Variants in MYO1D observed in about 807,000 individuals in gnomAD.
The protein encoded by MYO1D is unconventional myosin-Id.
A neutral mutation model predicts 122.0 loss-of-function variants in MYO1D; 83 were observed. The observed-to-expected ratio is 0.68, with a 90% CI of 0.57 to 0.82. The LOEUF (loss-of-function observed/expected upper bound fraction) is 0.82, where lower values mean the gene tolerates loss of function less well. MYO1D is among the 40% of genes least tolerant of loss of function. The pLI, the probability that MYO1D is intolerant of heterozygous loss-of-function variation, is 0.00. For missense variants in MYO1D, 1,157 were observed against 1,269.5 expected (o/e 0.91, Z 1.35); for synonymous variants, 464 against 446.9 (o/e 1.04, Z -0.48).
At chr17:32,613,897 T>A (rs2087737567) in intron 20 of MYO1D, among the ~76,000 whole-genome samples, 2 of 151,134 alleles carry the variant, frequency 1.3e-5, no homozygotes, top group Admixed American at 1.3e-4. Context: ...CAGAATGATC[T>A]CCTTGGGGTC....
intron 16 of MYO1D, among the ~76,000 whole-genome samples, chr17:32,683,523 T>C (rs576633744): frequency 5.8e-4 from 88 of 152,178 alleles, no homozygotes; most frequent in African/African-American, 1.8e-3. Flanking sequence ...GAGGTGTCAG[T>C]GTGCCCCTGC....
chr17:32,760,893 T>C (rs9906880), intron 8 of MYO1D, among the ~76,000 whole-genome samples: 2,663 of 152,292 alleles, frequency 0.017, 87 homozygotes, highest in African/African-American at 0.061. Context: ...CAGGCATGTT[T>C]CCCTGCCCGG....
chr17:32,514,625 T>C (rs146846447), intron 21 of MYO1D, among the ~76,000 whole-genome samples: 4 of 152,230 alleles, frequency 2.6e-5, no homozygotes, highest in Non-Finnish European at 4.4e-5. Context: ...AACTAGTCAA[T>C]GTCCAACAAC....
At chr17:32,535,202 G>T (rs913341732) in intron 21 of MYO1D, among the ~76,000 whole-genome samples, 1 of 152,152 alleles carries the variant, frequency 6.6e-6, no homozygotes, top group African/African-American at 2.4e-5. Flanking sequence ...TAAACCGTTA[G>T]AAGTGAATGG....
chr17:32,712,810 C>T (rs1242034323), intron 15 of MYO1D, among the ~76,000 whole-genome samples: 1 of 152,208 alleles, frequency 6.6e-6, no homozygotes, highest in East Asian at 1.9e-4. Flanking sequence ...GCTCACCACA[C>T]AGCGGCTTGC....
intron 21 of MYO1D, among the ~76,000 whole-genome samples, chr17:32,548,053 C>A (rs2150882379): frequency 6.6e-6 from 1 of 152,188 alleles, no homozygotes; most frequent in African/African-American, 2.4e-5. Flanking sequence ...CTCATCATTG[C>A]AGTTGCTATA....
chr17:32,800,657 T>C (rs1184292634), intron 1 of MYO1D, among the ~76,000 whole-genome samples: 2 of 152,188 alleles, frequency 1.3e-5, no homozygotes, highest in South Asian at 4.1e-4. Context: ...AATAATGCAT[T>C]GCATATTGAA....
intron 21 of MYO1D, among the ~76,000 whole-genome samples, chr17:32,597,479 A>G (rs1402054331): frequency 8.8e-6 from 1 of 113,956 alleles, no homozygotes; most frequent in East Asian, 2.1e-4. Context: ...GTAGCATATC[A>G]CCATTTTTGT....
intron 20 of MYO1D, among the ~76,000 whole-genome samples, chr17:32,614,485 TGTTCA>T (rs1160190419): frequency 2.6e-5 from 4 of 152,206 alleles, no homozygotes; most frequent in African/African-American, 9.6e-5. Flanking sequence ...GAGAACATTC[TGTTCA>T]TTCTGTTTTC....
chr17:32,658,187 T>C (rs573638509), intron 17 of MYO1D, among the ~76,000 whole-genome samples: 83 of 152,242 alleles, frequency 5.5e-4, no homozygotes, highest in South Asian at 1.2e-3. Context: ...TTTTCTTCCA[T>C]GCATTTTTCT....
intron 21 of MYO1D, among the ~76,000 whole-genome samples, chr17:32,521,309 C>G (rs1414141785): frequency 6.6e-6 from 1 of 152,028 alleles, no homozygotes; most frequent in African/African-American, 2.4e-5. Context: ...AGAGAAGGCT[C>G]AAAAAACGCA....
chr17:32,857,584 CAAAAAA>C (rs563112277), intron 1 of MYO1D, among the ~76,000 whole-genome samples: 1 of 107,836 alleles, frequency 9.3e-6, no homozygotes. Context: ...GACTCCACCT[CAAAAAA>C]AAAAAAAAAA....
At chr17:32,619,177 T>A (rs935192623) in intron 20 of MYO1D, among the ~76,000 whole-genome samples, 2 of 152,158 alleles carry the variant, frequency 1.3e-5, no homozygotes, top group East Asian at 3.9e-4. Flanking sequence ...TACCAAGCCA[T>A]CTAGTGGAAC....
chr17:32,689,862 G>A (rs1362411559), intron 16 of MYO1D, among the ~76,000 whole-genome samples: 1 of 151,794 alleles, frequency 6.6e-6, no homozygotes, highest in Non-Finnish European at 1.5e-5. Context: ...GGGATTACAT[G>A]TGCCCACCAC....
At chr17:32,729,379 G>A (rs543079012) in intron 14 of MYO1D, among the ~76,000 whole-genome samples, 1 of 152,198 alleles carries the variant, frequency 6.6e-6, no homozygotes, top group East Asian at 1.9e-4. Flanking sequence ...CCATTCTCTA[G>A]ATTCAAAAGA....
intron 15 of MYO1D, among the ~76,000 whole-genome samples, chr17:32,718,206 T>A (rs2089469701): frequency 6.6e-6 from 1 of 152,168 alleles, no homozygotes; most frequent in Non-Finnish European, 1.5e-5. Context: ...ATAATTCAAG[T>A]TCTGACAAAC....
At chr17:32,671,861 A>G (rs907517192) in intron 16 of MYO1D, among the ~76,000 whole-genome samples, 13 of 152,238 alleles carry the variant, frequency 8.5e-5, no homozygotes, top group Non-Finnish European at 1.6e-4. Context: ...AAAAAGTTCA[A>G]TAATATGGAT....
intron 14 of MYO1D, among the ~76,000 whole-genome samples, chr17:32,725,538 A>G (rs1013053488): frequency 1.3e-5 from 2 of 151,812 alleles, no homozygotes; most frequent in African/African-American, 2.4e-5. Context: ...AAAAAAAGAA[A>G]TAGGTGAAGA....
intron 21 of MYO1D, among the ~76,000 whole-genome samples, chr17:32,540,159 A>G (rs994699171): frequency 6.6e-6 from 1 of 151,988 alleles, no homozygotes; most frequent in African/African-American, 2.4e-5. Flanking sequence ...CAATCTGCCA[A>G]CATGATGAAA....
Sources: gnomAD v4.1 joint callset for allele counts (sites outside exome capture counted in the v4.1 genomes callset) on GRCh38, gnomAD v4.1.1 for gene constraint, MANE v1.5 for transcripts, NCBI Gene and HGNC (gene_info 2026-07-23, HGNC 2026-07-21) for gene names.